The following ANGPTL1 variants were observed in gnomAD, a reference collection of about 807,000 sequenced individuals.
ANGPTL1 encodes angiopoietin-related protein 1.
In ANGPTL1, 36 loss-of-function variants were observed where a neutral mutation model predicts 46.7. The ratio of observed to expected loss-of-function variants is 0.77; its 90% confidence interval spans 0.59 to 1.02. The LOEUF (loss-of-function observed/expected upper bound fraction) is 1.02. ANGPTL1 is among the 50% of genes least tolerant of loss of function. The pLI, the probability that ANGPTL1 is intolerant of heterozygous loss-of-function variation, is 0.00. For synonymous variants in ANGPTL1, 221 were observed against 204.3 expected, an observed-to-expected ratio of 1.08 and a Z score of -0.69; for missense variants, 571 against 594.7, an observed-to-expected ratio of 0.96 and a Z score of 0.41.
intron 2 of ANGPTL1, among the ~76,000 whole-genome samples, chr1:178,866,774 T>A (rs1480245199): frequency 6.6e-6 from 1 of 152,172 alleles, no homozygotes; most frequent in East Asian, 1.9e-4. Context: ...TAGTCAGTAT[T>A]TATAGAAGCA....
Position 178,864,301 on chromosome 1 carries a change from T to C in ANGPTL1, c.823+653A>G, listed in dbSNP as rs140909147. Among the ~76,000 whole-genome samples, 942 of 152,238 alleles carry C rather than the reference T, an allele frequency of 6.2e-3. 6 individuals carry two copies. Among genetic ancestry groups the C allele is most frequent in the Non-Finnish European group, 9.0e-3 (613 of 68,006 alleles). On this transcript the variant is annotated intron_variant, in intron 3 of 5. Transcript: ENST00000234816. ...AGTTTTTTTTTATAATAATGAACAT[T>C]TATATTTCTTAGGATACACAGTACT...
chr1:178,861,808 C>T (rs1030547565), intron 3 of ANGPTL1, among the ~76,000 whole-genome samples: 1 of 151,916 alleles, frequency 6.6e-6, no homozygotes, highest in Non-Finnish European at 1.5e-5. Context: ...ATTTCTATAC[C>T]CAGTGGGTCA....
chr1:178,852,383 G>A (rs1348592860), intron 5 of ANGPTL1, among the ~76,000 whole-genome samples: 2 of 152,172 alleles, frequency 1.3e-5, no homozygotes, highest in African/African-American at 4.8e-5. Flanking sequence ...CACGTGGTAG[G>A]TGTTCAGTTA....
intron 3 of ANGPTL1, among the ~76,000 whole-genome samples, chr1:178,861,037 A>G (rs1657972268): frequency 6.6e-6 from 1 of 152,234 alleles, no homozygotes; most frequent in Non-Finnish European, 1.5e-5. Context: ...TGAAAAGGAT[A>G]TTAGAATAAT....
chr1:178,862,851 A>T (rs1008247788), intron 3 of ANGPTL1, among the ~76,000 whole-genome samples: 1 of 152,182 alleles, frequency 6.6e-6, no homozygotes, highest in Non-Finnish European at 1.5e-5. Context: ...TTGCAGAAGC[A>T]GATATGTGAG....
chr1:178,852,949 C>T lies in ANGPTL1; in HGVS notation c.1022G>A (p.Gly341Glu), dbSNP rs1370485363. 2.5e-6 allele frequency: 4 copies of T among 1,606,770 alleles called. No homozygotes were observed. Among genetic ancestry groups the T allele is most frequent in the Non-Finnish European group, 3.4e-6 (4 of 1,176,942 alleles). ...GTATTCTCCGTCAATGTTTCCAAAC[C>T]CTTTCTGTTAATAAGTGAAGAAACA... ...FFRNWENYKK[G>E]FGNIDGEYWL... The change falls in exon 5 of 6, where the codon GGG becomes GAG. Residue 341 changes from glycine (G) to glutamate (E), a missense_variant. Physicochemically the swap from Gly to Glu is moderately conservative, Grantham distance 98. Coordinates refer to ENST00000234816, the MANE Select transcript of ANGPTL1 (RefSeq NM_004673.4).
chr1:178,865,088 G>T lies in ANGPTL1; in HGVS notation c.689C>A (p.Thr230Asn), dbSNP rs539634843. The change falls in exon 3 of 6, where the codon ACT becomes AAT. Residue 230 changes from threonine (T) to asparagine (N), a missense_variant. Coordinates refer to ENST00000234816, the MANE Select transcript of ANGPTL1 (RefSeq NM_004673.4). ...CTCGTTACCTCCCAGCAGACCAGGA[G>T]TATACTGTTGGCTGTTAGGAATATG... ...PQHIPNSQQY[T>N]PGLLGGNEIQ... is the part of the protein sequence containing the mutation. The T allele has an allele frequency of 3.5e-5, 54 of 1,556,984 alleles. No homozygotes were observed. In the East Asian group the frequency reaches 9.2e-4, roughly 27 times the overall value.
chr1:178,861,577 T>G (rs1658015416), intron 3 of ANGPTL1, among the ~76,000 whole-genome samples: 2 of 152,164 alleles, frequency 1.3e-5, no homozygotes, highest in Non-Finnish European at 1.5e-5. Context: ...TCTGCTAGAA[T>G]TGGTTATACC....
At position 178,850,046 on chromosome 1, in the gene ANGPTL1, G is replaced by A. The variant is rs1382684695; in HGVS notation, c.*1083C>T. On this transcript the variant is annotated 3_prime_UTR_variant, in exon 6 of 6. Transcript: ENST00000234816. Reference sequence around the variant, plus strand: ...TGAGTTAAAGACACTGTGAGACTAAGCGTTACATACACTGTAAAATGAAAT... The same window carrying A: ...TGAGTTAAAGACACTGTGAGACTAAACGTTACATACACTGTAAAATGAAAT... 2 of 152,676 alleles carry A rather than the reference G, an allele frequency of 1.3e-5. No homozygotes were observed. The highest frequency in any genetic ancestry group is 4.8e-5 in the African/African-American group (2 of 41,480). 9.5% of individuals were successfully genotyped at this position (152,676 alleles called of 1,614,324 possible). A position where few individuals can be genotyped will look rare whatever the true frequency, so the allele number is the denominator to read the frequency against.
intron 1 of ANGPTL1, among the ~76,000 whole-genome samples, chr1:178,869,439 AG>A (rs1658612444): frequency 6.6e-6 from 1 of 152,118 alleles, no homozygotes; most frequent in Admixed American, 6.6e-5. Flanking sequence ...GATATATTTA[AG>A]AAAAGGATAA....
Position 178,865,525 on chromosome 1 carries a change from G to C in ANGPTL1, c.252C>G (p.Asp84Glu). ...STIKDMITRM[D>E]LENLKDVLSR... ...AGAGCACATCCTTCAGGTTTTCAAG[G>C]TCCATCCTGGTGATCATGTCTTTAA... The change falls in exon 3 of 6, where the codon GAC becomes GAG. Residue 84 changes from aspartate to glutamate, a missense_variant. Asp to Glu is a conservative substitution (Grantham distance 45). Transcript: ENST00000234816. 6.2e-7 allele frequency: 1 copy of C among 1,614,076 alleles called. No homozygotes were observed. Among genetic ancestry groups the C allele is most frequent in the Non-Finnish European group, 8.5e-7 (1 of 1,179,994 alleles).
chr1:178,856,676 T>C (rs1657610051), intron 3 of ANGPTL1, among the ~76,000 whole-genome samples: 1 of 151,978 alleles, frequency 6.6e-6, no homozygotes, highest in Non-Finnish European at 1.5e-5. Context: ...CATCGGTAAT[T>C]GTTAGTTATT....
rs775467512 is a variant in ANGPTL1 at position 178,865,464 on chromosome 1, C to A, written c.313G>T (p.Val105Leu). The change falls in exon 3 of 6, where the codon GTG (valine) becomes TTG (leucine). Residue 105 changes from valine to leucine, a missense_variant. Physicochemically the swap from Val to Leu is conservative, Grantham distance 32. Coordinates refer to ENST00000234816, the MANE Select transcript of ANGPTL1 (RefSeq NM_004673.4). Reference sequence around the variant, plus strand: ...ACAATGTTTCCATCTACATCCACCACCAGTTGCAGAACATCTATCTCCCGC... The same window carrying A: ...ACAATGTTTCCATCTACATCCACCAACAGTTGCAGAACATCTATCTCCCGC... ...QKREIDVLQL[V>L]VDVDGNIVNE... 1.2e-6 allele frequency: 2 copies of A among 1,614,066 alleles called. No homozygotes were observed.
At chr1:178,863,173 G>A (rs1008389831) in intron 3 of ANGPTL1, among the ~76,000 whole-genome samples, 7 of 152,132 alleles carry the variant, frequency 4.6e-5, no homozygotes, top group Admixed American at 1.3e-4. Flanking sequence ...TTCTGGCTCT[G>A]AATAGAAATG....
intron 2 of ANGPTL1, among the ~76,000 whole-genome samples, chr1:178,867,933 A>G (rs1011184078): frequency 1.1e-4 from 17 of 152,020 alleles, no homozygotes; most frequent in African/African-American, 4.1e-4. Flanking sequence ...TCAATTGAAT[A>G]GTGTCTTCAA....
chr1:178,863,476 T>C (rs963287499), intron 3 of ANGPTL1, among the ~76,000 whole-genome samples: 1 of 152,218 alleles, frequency 6.6e-6, no homozygotes, highest in African/African-American at 2.4e-5. Flanking sequence ...TAGGTGTGTT[T>C]GTTTGAATCT....
intron 3 of ANGPTL1, among the ~76,000 whole-genome samples, chr1:178,862,768 G>A (rs894797329): frequency 2.0e-5 from 3 of 152,184 alleles, no homozygotes; most frequent in African/African-American, 4.8e-5. Flanking sequence ...TGGAAGGTCC[G>A]CTAGGAAAGT....
intron 2 of ANGPTL1, among the ~76,000 whole-genome samples, chr1:178,866,670 C>CCGT (rs1658431720): frequency 6.6e-6 from 1 of 151,914 alleles, no homozygotes; most frequent in Non-Finnish European, 1.5e-5. Flanking sequence ...CCTTAGAGAC[C>CCGT]CTGTCATTCA....
chr1:178,853,600 A>G lies in ANGPTL1; in HGVS notation c.1011T>C (p.Asn337=). ...GSVNFFRNWE[N]YKKGFGNIDG... ...GTCTGCATCACTGATTTACCTTATA[A>G]TTTTCCCAATTTCTGAAGAAGTTGA... The change falls in exon 4 of 6, where the codon AAT becomes AAC. Residue 337 remains asparagine, a synonymous_variant. Transcript: ENST00000234816. 2.5e-6 allele frequency: 4 copies of G among 1,594,292 alleles called. No individual in the cohort carries two copies. The highest frequency in any genetic ancestry group is 3.4e-6 in the Non-Finnish European group (4 of 1,172,996).
Sources: gnomAD v4.1 joint callset for allele counts (sites outside exome capture counted in the v4.1 genomes callset) on GRCh38, gnomAD v4.1.1 for gene constraint, MANE v1.5 for transcripts, NCBI Gene and HGNC (gene_info 2026-07-23, HGNC 2026-07-21) for gene names.